Variants in TDRD12 observed in about 807,000 individuals in gnomAD.
TDRD12 encodes the protein putative ATP-dependent RNA helicase TDRD12.
TDRD12 carries 158 observed loss-of-function variants against 133.5 expected under a neutral mutation model. That is an observed-to-expected ratio of 1.18 (90% CI 1.04 to 1.35). TDRD12 has a LOEUF of 1.35. Among genes scored for constraint, TDRD12 ranks in the 40% most tolerant of loss-of-function variants. The pLI, the probability that TDRD12 is intolerant of heterozygous loss-of-function variation, is 0.00. For synonymous variants in TDRD12, 460 were observed against 477.9 expected, an observed-to-expected ratio of 0.96 and a Z score of 0.49; for missense variants, 1,443 against 1,321.3, an observed-to-expected ratio of 1.09 and a Z score of -1.43.
At chr19:32,740,436 G>A in intron 3 of TDRD12, among the ~76,000 whole-genome samples, 1 of 148,500 alleles carries the variant, frequency 6.7e-6, no homozygotes, top group African/African-American at 2.5e-5. Context: ...TGCATCTCCT[G>A]GGTACTCTCT....
chr19:32,758,096 G>A (rs1230658704), intron 8 of TDRD12, among the ~76,000 whole-genome samples: 1 of 152,172 alleles, frequency 6.6e-6, no homozygotes, highest in Non-Finnish European at 1.5e-5. Flanking sequence ...CTGTGCTATA[G>A]ATTGTATCCG....
exon 16 of TDRD12, chr19:32,798,369 G>A: frequency 6.5e-7 from 1 of 1,535,916 alleles, no homozygotes; most frequent in South Asian, 1.2e-5. Flanking sequence ...AGAGCCTGCT[G>A]TTCCTCAGGC....
intron 16 of TDRD12, 80 bp downstream of exon 16, chr19:32,798,515 T>C: frequency 1.6e-6 from 2 of 1,261,152 alleles, no homozygotes; most frequent in Admixed American, 2.6e-5. Context: ...GGAGGAAAAG[T>C]GTCTGGTTGG....
At chr19:32,748,795 C>G (rs1288826419) in intron 5 of TDRD12, among the ~76,000 whole-genome samples, 1 of 152,228 alleles carries the variant, frequency 6.6e-6, no homozygotes, top group Non-Finnish European at 1.5e-5. Flanking sequence ...TAATACCTGC[C>G]TCTTCGTTTG....
At chr19:32,785,832 T>A (rs1207010106) in intron 11 of TDRD12, among the ~76,000 whole-genome samples, 1 of 152,178 alleles carries the variant, frequency 6.6e-6, no homozygotes, top group Non-Finnish European at 1.5e-5. Context: ...TCTTTGCACG[T>A]GAGATGGGTC....
intron 11 of TDRD12, among the ~76,000 whole-genome samples, chr19:32,784,661 G>A (rs893527402): frequency 6.6e-6 from 1 of 152,150 alleles, no homozygotes; most frequent in African/African-American, 2.4e-5. Flanking sequence ...CTCAATTTCA[G>A]AACCTGTTAC....
exon 10 of TDRD12, chr19:32,828,276 T>C (rs1967653159): frequency 6.6e-6 from 1 of 152,132 alleles, no homozygotes; most frequent in Non-Finnish European, 1.5e-5. Context: ...AAGGTTGCTT[T>C]TTAGTGGAAA....
intron 8 of TDRD12, among the ~76,000 whole-genome samples, chr19:32,766,795 A>G (rs1344370256): frequency 6.6e-6 from 1 of 151,792 alleles, no homozygotes; most frequent in African/African-American, 2.4e-5. Context: ...TTGTATTTTT[A>G]GTAGAGACGG....
intron 21 of TDRD12, among the ~76,000 whole-genome samples, chr19:32,806,885 C>T (rs1971566413): frequency 6.6e-6 from 1 of 152,066 alleles, no homozygotes; most frequent in African/African-American, 2.4e-5. Flanking sequence ...TGGTCTCGAG[C>T]TCCTGACCTC....
intron 8 of TDRD12, among the ~76,000 whole-genome samples, chr19:32,763,364 A>C (rs1253688156): frequency 6.6e-6 from 1 of 152,182 alleles, no homozygotes; most frequent in Non-Finnish European, 1.5e-5. Flanking sequence ...TTTGGGCTGC[A>C]CGCTTCTCAG....
chr19:32,757,022 T>G lies in TDRD12; in HGVS notation c.773-16T>G. 2 of 1,544,558 alleles carry G rather than the reference T, an allele frequency of 1.3e-6. No individual in the cohort carries two copies. Among genetic ancestry groups the G allele is most frequent in the Non-Finnish European group, 1.8e-6 (2 of 1,140,510 alleles). On this transcript the variant is annotated splice_polypyrimidine_tract_variant and intron_variant, in intron 7 of 27. Coordinates refer to ENST00000444215, the Ensembl canonical transcript of TDRD12. ...TTATTTCATGCTTTAATTCTGAAATTTATTCTTTCTATCAGATTCACATGG... is the reference window on the plus strand; with the variant it reads ...TTATTTCATGCTTTAATTCTGAAATGTATTCTTTCTATCAGATTCACATGG...
intron 11 of TDRD12, among the ~76,000 whole-genome samples, chr19:32,785,439 G>C (rs1365407418): frequency 2.6e-5 from 4 of 152,182 alleles, no homozygotes; most frequent in African/African-American, 9.6e-5. Context: ...ATATTCTGTT[G>C]ATTTGGTGTG....
At chr19:32,764,867 CAA>C (rs1970250050) in intron 8 of TDRD12, among the ~76,000 whole-genome samples, 1 of 152,174 alleles carries the variant, frequency 6.6e-6, no homozygotes, top group African/African-American at 2.4e-5. Flanking sequence ...GCAATGGCAA[CAA>C]AAGCCAAAAT....
chr19:32,814,012 G>A (rs930671962), intron 25 of TDRD12, among the ~76,000 whole-genome samples: 3 of 152,182 alleles, frequency 2.0e-5, no homozygotes, highest in Admixed American at 6.5e-5. Context: ...TTGTGTATGC[G>A]AGGCACACGC....
chr19:32,783,104 G>GT (rs1158231813), intron 11 of TDRD12, among the ~76,000 whole-genome samples: 3 of 152,236 alleles, frequency 2.0e-5, no homozygotes, highest in Non-Finnish European at 4.4e-5. Flanking sequence ...TAGGTCTTGT[G>GT]TTTAAGTCTT....
At chr19:32,798,463 T>A (rs1403964283) in intron 16 of TDRD12, 28 bp downstream of exon 16, 9 of 1,507,336 alleles carry the variant, frequency 6.0e-6, no homozygotes, top group Non-Finnish European at 8.0e-6. Flanking sequence ...TCCTCAGCAC[T>A]CAGAAGAGAG....
intron 27 of TDRD12, 116 bp from the exon 28 acceptor site, chr19:32,820,917 C>A: frequency 1.4e-6 from 1 of 722,364 alleles, no homozygotes; most frequent in South Asian, 1.8e-5. Flanking sequence ...ATAAGCTCTA[C>A]GTGGGTCTGA....
chr19:32,754,797 CT>C (rs1322228646), intron 6 of TDRD12, among the ~76,000 whole-genome samples: 1 of 151,190 alleles, frequency 6.6e-6, no homozygotes, highest in Non-Finnish European at 1.5e-5. Context: ...CAGCCTCAGC[CT>C]TCCCAAGTAG....
intron 22 of TDRD12, 94 bp from the exon 23 acceptor site, chr19:32,809,999 G>A: frequency 1.3e-6 from 1 of 790,234 alleles, no homozygotes. Flanking sequence ...TGGTTTCTTA[G>A]GTTGGGTACT....
Sources: gnomAD v4.1 joint callset for allele counts (sites outside exome capture counted in the v4.1 genomes callset) on GRCh38, gnomAD v4.1.1 for gene constraint, MANE v1.5 for transcripts, NCBI Gene and HGNC (gene_info 2026-07-23, HGNC 2026-07-21) for gene names.